ZNF140: variants seen among roughly 807,000 people sequenced by gnomAD.
ZNF140 encodes zinc finger protein 140.
Under a neutral mutation model 12.9 loss-of-function variants are expected in ZNF140, and 13 were observed. That is an observed-to-expected ratio of 1.01 (90% CI 0.66 to 1.60). The LOEUF (loss-of-function observed/expected upper bound fraction) is 1.60, where lower values mean the gene tolerates loss of function less well. Among genes scored for constraint, ZNF140 ranks in the 40% most tolerant of loss-of-function variants. The pLI, the probability that ZNF140 is intolerant of heterozygous loss-of-function variation, is 0.00. For synonymous variants in ZNF140, 214 were observed against 186.7 expected (o/e 1.15, Z -1.19); for missense variants, 531 against 548.8 (o/e 0.97, Z 0.32).
intron 4 of ZNF140, among the ~76,000 whole-genome samples, chr12:133,100,543 G>A (rs1240793706): frequency 2.6e-5 from 4 of 152,130 alleles, no homozygotes; most frequent in South Asian, 4.1e-4. Context: ...GTGCAACAGC[G>A]AAACTAGCTG....
chr12:133,089,647 A>G (rs1221240833), intron 4 of ZNF140, among the ~76,000 whole-genome samples: 1 of 152,208 alleles, frequency 6.6e-6, no homozygotes, highest in Non-Finnish European at 1.5e-5. Context: ...AGAGTTATTC[A>G]TGGTATTCCT....
intron 2 of ZNF140, 87 bp downstream of exon 2, chr12:133,081,416 C>G (rs971264024): frequency 3.4e-5 from 9 of 262,088 alleles, no homozygotes; most frequent in South Asian, 2.2e-4. Flanking sequence ...CTCCTCCTGT[C>G]GCCCAGGCAG....
In ZNF140 at chr12:133,092,288, A is replaced by T. The variant is rs1954920387; in HGVS notation, c.232+8727A>T. 2.0e-5 allele frequency among the ~76,000 whole-genome samples: 3 copies of T among 151,160 alleles called. No individual in the cohort carries two copies. In the South Asian group the frequency reaches 6.3e-4, roughly 32 times the overall value. ...AGCCTCCCACGGTCGGTCCATGGAC[A>T]CAGGGATCCTCGCACCCTCTCTTGC... On this transcript the variant is annotated intron_variant, in intron 4 of 4. Coordinates refer to ENST00000355557, the MANE Select transcript of ZNF140 (RefSeq NM_003440.4).
intron 4 of ZNF140, chr12:133,093,489 A>G (rs904457504): frequency 2.9e-6 from 2 of 699,222 alleles, no homozygotes; most frequent in Admixed American, 2.0e-5. Flanking sequence ...GGTAGATGGA[A>G]ACTTCTTTTG....
At position 133,083,209 on chromosome 12, in the gene ZNF140, A is replaced by G. The variant is rs1954562019; in HGVS notation, c.116A>G (p.Tyr39Cys). Residue 39 changes from tyrosine (Y) to cysteine (C), a missense_variant, in exon 3 of 5, where the codon TAT becomes TGT. Physicochemically the swap from Tyr to Cys is radical, Grantham distance 194 (BLOSUM62 -2). Transcript: ENST00000355557. ...TACAGATGTGTAATGTTGGAGAACT[A>G]TGGCCATCTGGTCTCACTGGGTAAG... is the stretch of plus-strand genomic sequence containing the variant. ...DLYRCVMLEN[Y>C]GHLVSLGLSI... 24 of 1,613,652 alleles carry G rather than the reference A, an allele frequency of 1.5e-5. No individual in the cohort carries two copies. Among genetic ancestry groups the G allele is most frequent in the Admixed American group, 3.3e-5 (2 of 60,008 alleles).
chr12:133,103,947 C>T (rs1205400558), intron 4 of ZNF140, among the ~76,000 whole-genome samples: 1 of 152,128 alleles, frequency 6.6e-6, no homozygotes, highest in East Asian at 1.9e-4. Flanking sequence ...TCACTGCCTC[C>T]CCATCTTGAT....
intron 2 of ZNF140, 115 bp downstream of exon 2, chr12:133,081,444 C>G (rs1002758331): frequency 2.4e-6 from 1 of 423,474 alleles, no homozygotes; most frequent in Admixed American, 2.6e-5. Flanking sequence ...ATCATAGCAT[C>G]CTGTAACCTC....
rs1303081950 is a variant in ZNF140, at chr12:133,090,852, G to A, written c.232+7291G>A. Among the ~76,000 whole-genome samples, 121 of 129,820 alleles carry A rather than the reference G, an allele frequency of 9.3e-4. 2 individuals are homozygous for A. Among genetic ancestry groups the A allele is most frequent in the Middle Eastern group, 7.6e-3 (2 of 264 alleles). 85.2% of individuals were successfully genotyped at this position (129,820 alleles called of 152,430 possible). ...TTAAGGGAAGGTACTATGCCTAGAT[G>A]TGCATGTAATCCAGATTTATGTTTC... On this transcript the variant is annotated intron_variant, in intron 4 of 4. Transcript: ENST00000355557.
At chr12:133,088,859 A>C (rs1954767100) in intron 4 of ZNF140, among the ~76,000 whole-genome samples, 1 of 152,186 alleles carries the variant, frequency 6.6e-6, no homozygotes, top group African/African-American at 2.4e-5. Flanking sequence ...ATTATATTTT[A>C]CATTAATTGA....
intron 4 of ZNF140, among the ~76,000 whole-genome samples, chr12:133,087,524 CA>C (rs34656142): frequency 2.8e-5 from 4 of 144,934 alleles, no homozygotes; most frequent in Non-Finnish European, 3.0e-5. Context: ...TTTGGCTAGT[CA>C]AAAAAAAAAA....
At chr12:133,096,108 A>C (rs372097316) in intron 4 of ZNF140, among the ~76,000 whole-genome samples, 15,560 of 148,768 alleles carry the variant, frequency 0.1, 1,513 homozygotes, top group African/African-American at 0.27. Flanking sequence ...ATTTCAGACT[A>C]TCACATGGGG....
At chr12:133,097,819 A>ATGTGTGTGTGTGTGTGTGTGTGTGTGTG (rs71079166) in intron 4 of ZNF140, among the ~76,000 whole-genome samples, 68 of 143,256 alleles carry the variant, frequency 4.7e-4, no homozygotes, top group Middle Eastern at 3.5e-3. Flanking sequence ...ACATCTAACC[A>ATGTGTGTGTGTGTGTGTGTGTGTGTGTG]TGTGTGTGTG....
chr12:133,081,371 A>ATATATATGTATATATATAT (rs1593734785), intron 2 of ZNF140, 42 bp downstream of exon 2: 1 of 249,656 alleles, frequency 4.0e-6, no homozygotes, highest in Non-Finnish European at 6.8e-6. Context: ...ATATATATAT[A>ATATATATGTATATATATAT]AATTTTTATT....
chr12:133,095,375 T>G lies in ZNF140; in HGVS notation c.233-10135T>G, dbSNP rs80120298. 3.0e-4 allele frequency among the ~76,000 whole-genome samples: 45 copies of G among 151,026 alleles called. No homozygotes were observed. The East Asian group carries it at 5.8e-3, about 20-fold the overall frequency. On this transcript the variant is annotated intron_variant, in intron 4 of 4. Transcript: ENST00000355557. The stretch of plus-strand genomic sequence containing the variant: ...CGCACAAGCTTACCGCAAGGCTGAC[T>G]GTGGATGTACTTGGGAATCTCTCGT...
intron 4 of ZNF140, among the ~76,000 whole-genome samples, chr12:133,089,853 CTT>C (rs201164780): frequency 1.2e-4 from 16 of 138,434 alleles, no homozygotes; most frequent in Non-Finnish European, 1.1e-4. Context: ...AATATTTGTG[CTT>C]TTTTTTTTTT....
chr12:133,083,022 C>T (rs1040116425), intron 2 of ZNF140, 81 bp from the exon 3 acceptor site: 49 of 1,606,360 alleles, frequency 3.1e-5, no homozygotes, highest in Admixed American at 2.5e-4. Context: ...CTAACCTCCA[C>T]AGTGAGACTC....
rs1954469272 is a variant in ZNF140 at position 133,081,271 on chromosome 12, A to T, written c.-48-2A>T. On this transcript the variant is annotated splice_acceptor_variant, in intron 1 of 4. Transcript: ENST00000355557. LOFTEE classifies it low-confidence loss of function (5UTR_SPLICE). ...CTCAGGGCTCCTTTCTCTCTCTGCC[A>T]GGTCTGCCATTTTACACTTTTCTGA... 3 of 1,532,580 alleles carry T rather than the reference A, an allele frequency of 2.0e-6. No homozygotes were observed. The South Asian group carries it at 3.4e-5, about 17-fold the overall frequency. 94.9% of individuals were successfully genotyped at this position (1,532,580 alleles called of 1,614,324 possible).
chr12:133,100,936 A>G (rs988931526), intron 4 of ZNF140: 98 of 450,738 alleles, frequency 2.2e-4, no homozygotes, highest in Non-Finnish European at 4.1e-4. Context: ...CAGTTTAAAC[A>G]TGAATTATTT....
intron 4 of ZNF140, among the ~76,000 whole-genome samples, chr12:133,085,631 T>C (rs2137491762): frequency 6.6e-6 from 1 of 152,342 alleles, no homozygotes; most frequent in Admixed American, 6.5e-5. Flanking sequence ...CTCTTTGCAT[T>C]TGTGTTCACT....
Sources: gnomAD v4.1 joint callset for allele counts (sites outside exome capture counted in the v4.1 genomes callset) on GRCh38, gnomAD v4.1.1 for gene constraint, MANE v1.5 for transcripts, NCBI Gene and HGNC (gene_info 2026-07-23, HGNC 2026-07-21) for gene names.